Variants in VWA3A observed in about 807,000 individuals in gnomAD.
VWA3A encodes the protein von Willebrand factor A domain-containing protein 3A.
VWA3A carries 134 observed loss-of-function variants against 160.4 expected under a neutral mutation model. The ratio of observed to expected loss-of-function variants is 0.84; its 90% confidence interval spans 0.73 to 0.96. VWA3A has a LOEUF of 0.96. Among genes scored for constraint, VWA3A ranks in the 40% least tolerant of loss-of-function variants. The pLI is 0.00. For synonymous variants in VWA3A, 476 were observed against 543.4 expected (o/e 0.88, Z 1.72); for missense variants, 1,310 against 1,447.9 (o/e 0.90, Z 1.55).
chr16:22,147,671 G>A (rs1189527593), intron 27 of VWA3A: 1 of 702,556 alleles, frequency 1.4e-6, no homozygotes, highest in African/African-American at 1.7e-5. Context: ...AGGCTGAGCT[G>A]GGACAGAGAA....
At position 22,154,960 on chromosome 16, in the gene VWA3A, C is replaced by CAAAAAAAAAAAAA. The variant is rs747770335; in HGVS notation, c.3406-582_3406-570dup. On this transcript the variant is annotated intron_variant, in intron 31 of 33. Transcript: ENST00000389398. Reference sequence around the variant, plus strand: ...TGGGCGACAGAGCGAGACTCCGTCTCAAAAAAAAAAAAAAAAAAAAAAAAA... The same window carrying CAAAAAAAAAAAAA: ...TGGGCGACAGAGCGAGACTCCGTCTCAAAAAAAAAAAAAAAAAAAAAAAAAAAAAAAAAAAAAA... 3.1e-4 allele frequency among the ~76,000 whole-genome samples: 17 copies of CAAAAAAAAAAAAA among 54,432 alleles called. 1 individual carries two copies. The highest frequency in any genetic ancestry group is 7.3e-4 in the African/African-American group (12 of 16,496). 35.7% of individuals were successfully genotyped at this position (54,432 alleles called of 152,430 possible). A position where few individuals can be genotyped will look rare whatever the true frequency, so the allele number is the denominator to read the frequency against.
At chr16:22,122,183 GGATGGATAGATA>G (rs2045749467) in intron 14 of VWA3A, among the ~76,000 whole-genome samples, 1 of 134,886 alleles carries the variant, frequency 7.4e-6, no homozygotes, top group Non-Finnish European at 1.6e-5. Context: ...ATGGATGAGT[GGATGGATAGATA>G]GATGGATGGA....
chr16:22,094,874 G>A (rs2045291363), intron 1 of VWA3A, among the ~76,000 whole-genome samples: 1 of 151,826 alleles, frequency 6.6e-6, no homozygotes, highest in African/African-American at 2.4e-5. Flanking sequence ...GGCTAAGGCA[G>A]GAGAATCACT....
chr16:22,138,658 C>A (rs2141985440), intron 22 of VWA3A, 146 bp downstream of exon 22: 2 of 1,097,628 alleles, frequency 1.8e-6, no homozygotes, highest in Non-Finnish European at 2.5e-6. Flanking sequence ...CTTGCCCAGG[C>A]CTCCAGGGGG....
At chr16:22,123,224 G>T in intron 15 of VWA3A, 59 bp downstream of exon 15, 1 of 1,478,540 alleles carries the variant, frequency 6.8e-7, no homozygotes, top group South Asian at 1.2e-5. Flanking sequence ...ACGGGAGGAA[G>T]GTTCCCTGGG....
At chr16:22,141,550 C>T (rs1280245566) in intron 23 of VWA3A, 32 bp from the exon 24 acceptor site, 2 of 1,576,026 alleles carry the variant, frequency 1.3e-6, no homozygotes, top group East Asian at 2.3e-5. Flanking sequence ...ATGCATGCAG[C>T]TGCTCCAGCC....
chr16:22,138,174 G>A (rs2046078060), intron 21 of VWA3A, among the ~76,000 whole-genome samples, 186 bp from the exon 22 acceptor site: 1 of 151,312 alleles, frequency 6.6e-6, no homozygotes, highest in Non-Finnish European at 1.5e-5. Flanking sequence ...CCCCATACCT[G>A]GTCTTACTGT....
chr16:22,123,582 C>A, intron 15 of VWA3A, 31 bp from the exon 16 acceptor site: 1 of 1,613,738 alleles, frequency 6.2e-7, no homozygotes, highest in Non-Finnish European at 8.5e-7. Context: ...AGCCTTTGAG[C>A]AGCCGCTCAC....
At chr16:22,111,240 T>G (rs969376646) in intron 8 of VWA3A, among the ~76,000 whole-genome samples, 3 of 152,200 alleles carry the variant, frequency 2.0e-5, no homozygotes, top group African/African-American at 7.2e-5. Flanking sequence ...AAAGATAGTT[T>G]TATTATTGTG....
At chr16:22,147,477 TG>T (rs1410646848) in intron 27 of VWA3A, 8 of 673,288 alleles carry the variant, frequency 1.2e-5, no homozygotes, top group Non-Finnish European at 1.9e-5. Context: ...GGAGGGTTTC[TG>T]GGGCATCAGG....
intron 16 of VWA3A, 146 bp downstream of exon 16, chr16:22,123,853 G>A: frequency 1.4e-6 from 1 of 714,526 alleles, no homozygotes; most frequent in Non-Finnish European, 2.3e-6. Flanking sequence ...CCCCAGAGGA[G>A]GAAAAAGTCA....
At chr16:22,103,978 G>C (rs376435577) in intron 6 of VWA3A, among the ~76,000 whole-genome samples, 1 of 152,130 alleles carries the variant, frequency 6.6e-6, no homozygotes, top group Non-Finnish European at 1.5e-5. Flanking sequence ...ATAAAAGACA[G>C]GGGGGAAGGG....
intron 15 of VWA3A, 68 bp from the exon 16 acceptor site, chr16:22,123,545 A>G: frequency 6.2e-7 from 1 of 1,612,440 alleles, no homozygotes; most frequent in Non-Finnish European, 8.5e-7. Context: ...AGGTACACGT[A>G]CTTCCCCTCA....
intron 23 of VWA3A, among the ~76,000 whole-genome samples, chr16:22,140,768 G>A (rs916269590): frequency 1.3e-5 from 2 of 151,838 alleles, no homozygotes; most frequent in African/African-American, 2.4e-5. Context: ...GTGCCACCAC[G>A]CCTGGCTAAC....
At chr16:22,132,017 G>A (rs1251061341) in intron 19 of VWA3A, among the ~76,000 whole-genome samples, 2 of 151,858 alleles carry the variant, frequency 1.3e-5, no homozygotes, top group African/African-American at 4.8e-5. Context: ...GATCTCTTGA[G>A]CCCAGGTGCT....
intron 29 of VWA3A, 69 bp downstream of exon 29, chr16:22,150,000 C>T (rs1202252683): frequency 2.7e-6 from 4 of 1,500,174 alleles, no homozygotes; most frequent in East Asian, 4.8e-5. Flanking sequence ...TGATGCTGCA[C>T]GATGCTTTAG....
Position 22,140,263 on chromosome 16 carries a change from C to T in VWA3A, c.2383+19C>T. On this transcript the variant is annotated intron_variant, in intron 23 of 33. Transcript: ENST00000389398. Reference sequence around the variant, plus strand: ...TCACCAGGTAAGGCACCATCACGGTCAGGCAGGGTGGAGGGATGTCACGGT... The same window carrying T: ...TCACCAGGTAAGGCACCATCACGGTTAGGCAGGGTGGAGGGATGTCACGGT... 3.1e-6 allele frequency: 5 copies of T among 1,611,216 alleles called. No homozygotes were observed. Among genetic ancestry groups the T allele is most frequent in the Non-Finnish European group, 4.2e-6 (5 of 1,178,200 alleles).
intron 3 of VWA3A, among the ~76,000 whole-genome samples, chr16:22,098,911 C>CAAAAAAAAAAAA (rs900328333): frequency 1.2e-4 from 5 of 41,030 alleles, no homozygotes; most frequent in Non-Finnish European, 1.4e-4. Flanking sequence ...CCTGTTTCCA[C>CAAAAAAAAAAAA]AAAAAAAAAA....
At chr16:22,155,749 ATGATGGTACCCT>A (rs1397484373) in intron 32 of VWA3A, 85 bp downstream of exon 32, 2 of 1,602,304 alleles carry the variant, frequency 1.2e-6, no homozygotes, top group African/African-American at 2.7e-5. Flanking sequence ...GGCCGCACCC[ATGATGGTACCCT>A]TGCTCCAAGG....
Sources: allele counts gnomAD v4.1 joint callset (sites outside exome capture counted in the v4.1 genomes callset), GRCh38; gene constraint gnomAD v4.1.1; transcripts MANE v1.5; gene names NCBI Gene and HGNC (gene_info 2026-07-23, HGNC 2026-07-21).